DYNC2H1: variants seen among roughly 807,000 people sequenced by gnomAD.
DYNC2H1 encodes the protein dynein cytoplasmic 2 heavy chain 1.
A neutral mutation model predicts 570.0 loss-of-function variants in DYNC2H1; 410 were observed. That is an observed-to-expected ratio of 0.72 (90% CI 0.66 to 0.78). The LOEUF is 0.78. DYNC2H1 is among the 30% of genes least tolerant of loss of function. The pLI is 0.00. For synonymous variants in DYNC2H1, 1,688 were observed against 1,677.6 expected, an observed-to-expected ratio of 1.01 and a Z score of -0.15; for missense variants, 4,865 against 5,046.4, an observed-to-expected ratio of 0.96 and a Z score of 1.09.
chr11:103,430,469 A>G (rs1000967723), intron 84 of DYNC2H1, among the ~76,000 whole-genome samples: 2 of 151,972 alleles, frequency 1.3e-5, no homozygotes, highest in African/African-American at 2.4e-5. Flanking sequence ...CGTTTAGAAT[A>G]TTACCGTACA....
chr11:103,218,640 T>C (rs1189146170), intron 55 of DYNC2H1, among the ~76,000 whole-genome samples: 1 of 152,170 alleles, frequency 6.6e-6, no homozygotes, highest in Non-Finnish European at 1.5e-5. Context: ...TACCATGTGT[T>C]TATAAAGGAA....
intron 85 of DYNC2H1, among the ~76,000 whole-genome samples, chr11:103,438,781 T>C (rs1944152485): frequency 6.6e-6 from 1 of 152,130 alleles, no homozygotes; most frequent in Admixed American, 6.6e-5. Context: ...ATATCAGGAT[T>C]AGTAAGTAGA....
rs1717685942 is a variant in DYNC2H1, at chr11:103,189,957, A to T, written c.7437+141A>T. ...TTTCTAGTAGAGAGTAACTGTGAAG[A>T]CAGGTGCTGTGTGTGCCTTATTCAC... On this transcript the variant is annotated intron_variant, in intron 45 of 88. Coordinates refer to ENST00000375735, the MANE Select transcript of DYNC2H1 (RefSeq NM_001377.3). The surrounding 1 kb of genome is among the most constrained non-coding windows in gnomAD (Gnocchi z 4.3). 5 of 836,244 alleles carry T rather than the reference A, an allele frequency of 6.0e-6. No homozygotes were observed. In the Admixed American group the frequency reaches 1.1e-4, roughly 18 times the overall value. The allele number at this position is 836,244 out of a possible 1,614,324, so 51.8% of individuals were successfully genotyped here.
rs546405988 is a variant in DYNC2H1 at position 103,243,588 on chromosome 11, A to C, written c.9820-105A>C. ...ATTTGTGTTCTCCAAAGCTTGAGAGAAAAGATCATTTAGTAATTGATTTAT... is the reference window on the plus strand; with the variant it reads ...ATTTGTGTTCTCCAAAGCTTGAGAGCAAAGATCATTTAGTAATTGATTTAT... On this transcript the variant is annotated intron_variant, in intron 63 of 88. Coordinates refer to ENST00000375735, the MANE Select transcript of DYNC2H1 (RefSeq NM_001377.3). The surrounding 1 kb of genome is among the most constrained non-coding windows in gnomAD (Gnocchi z 4.8). 4.4e-6 allele frequency: 4 copies of C among 919,534 alleles called. No individual in the cohort carries two copies. In the East Asian group the frequency reaches 8.3e-5, roughly 19 times the overall value. The allele number at this position is 919,534 out of a possible 1,614,324, so 57.0% of individuals were successfully genotyped here.
Position 103,310,010 on chromosome 11 carries a change from C to G in DYNC2H1, c.11494-1868C>G, listed in dbSNP as rs74825846. ...TTTTAACTATCTTAGCTTAGACTATCTGTGTAGTTCATTGAGATGTTCAAA... is the reference window on the plus strand; with the variant it reads ...TTTTAACTATCTTAGCTTAGACTATGTGTGTAGTTCATTGAGATGTTCAAA... On this transcript the variant is annotated intron_variant, in intron 78 of 88. Coordinates refer to ENST00000375735, the MANE Select transcript of DYNC2H1 (RefSeq NM_001377.3). Among the ~76,000 whole-genome samples the G allele has an allele frequency of 4.3e-3, 657 of 152,102 alleles. 4 individuals are homozygous for G. Among genetic ancestry groups the G allele is most frequent in the African/African-American group, 0.015 (611 of 41,498 alleles).
chr11:103,450,169 A>T (rs1159014446), intron 85 of DYNC2H1, among the ~76,000 whole-genome samples: 1 of 152,168 alleles, frequency 6.6e-6, no homozygotes, highest in African/African-American at 2.4e-5. Context: ...ACAAAACCAA[A>T]CTTTTACACA....
intron 17 of DYNC2H1, among the ~76,000 whole-genome samples, chr11:103,137,562 C>T (rs61898611): frequency 0.088 from 13,324 of 152,078 alleles, 748 homozygotes; most frequent in Non-Finnish European, 0.12. Flanking sequence ...TTTCTGAGGG[C>T]TCTGTTCTGT....
intron 83 of DYNC2H1, among the ~76,000 whole-genome samples, chr11:103,380,556 TGAG>T (rs201919026): frequency 0.053 from 8,038 of 152,088 alleles, 259 homozygotes; most frequent in Non-Finnish European, 0.076. Flanking sequence ...GGTTACGTGA[TGAG>T]GAATTTTTTT....
intron 35 of DYNC2H1, 100 bp downstream of exon 35, chr11:103,173,405 A>T (rs1861657071): frequency 3.7e-6 from 3 of 813,392 alleles, no homozygotes; most frequent in Non-Finnish European, 5.3e-6. Flanking sequence ...CACCTATTGC[A>T]TGATTTTTAT....
In DYNC2H1 at chr11:103,280,705, T is replaced by C. The variant is rs1866096501; in HGVS notation, c.10761+292T>C. 6.6e-6 allele frequency among the ~76,000 whole-genome samples: 1 copy of C among 152,062 alleles called. No individual in the cohort carries two copies. Among genetic ancestry groups the C allele is most frequent in the African/African-American group, 2.4e-5 (1 of 41,424 alleles). On this transcript the variant is annotated intron_variant, in intron 71 of 88. Coordinates refer to ENST00000375735, the MANE Select transcript of DYNC2H1 (RefSeq NM_001377.3). This position sits in a 1 kb window ranked among gnomAD's most constrained non-coding sequence, Gnocchi z 4.7. ...AACAGAAGAGTCAGCCTTCTTCTTT[T>C]CCCGGCCTAGGTAGTAGAGCTCATA...
Position 103,143,183 on chromosome 11 carries a change from G to A in DYNC2H1, c.2575-85G>A, listed in dbSNP as rs982356921. ...ACCTCATATTTTCCTCTTTTTATTG[G>A]TTTTAATAGTTGAATCCTATTCTAT... On this transcript the variant is annotated intron_variant, in intron 17 of 88. Coordinates refer to ENST00000375735, the MANE Select transcript of DYNC2H1 (RefSeq NM_001377.3). 14 of 1,410,960 alleles carry A rather than the reference G, an allele frequency of 9.9e-6. No homozygotes were observed. The South Asian group carries it at 1.8e-4, about 18-fold the overall frequency. The allele number at this position is 1,410,960 out of a possible 1,614,324, so 87.4% of individuals were successfully genotyped here. A position where few individuals can be genotyped will look rare whatever the true frequency, so the allele number is the denominator to read the frequency against.
Position 103,120,565 on chromosome 11 carries a change from A to G in DYNC2H1, c.1118A>G (p.Tyr373Cys), listed in dbSNP as rs1299049618. Reference sequence around the variant, plus strand: ...TTTACTGGCCTGAATCCTGTGCAATATAATCCATATACTGAGGTTGTATAT... The same window carrying G: ...TTTACTGGCCTGAATCCTGTGCAATGTAATCCATATACTGAGGTTGTATAT... ...EPFTGLNPVQYNPYTEPLWKA... is the reference protein window; with the variant it reads ...EPFTGLNPVQCNPYTEPLWKA... The change falls in exon 7 of 89, where the codon TAT becomes TGT. Residue 373 changes from tyrosine (Y) to cysteine (C), a missense_variant. By Grantham distance (194) the Tyr-to-Cys change is radical (BLOSUM62 -2). Around this residue, in one of 5 missense-constraint regions of DYNC2H1, gnomAD observed 1,936 missense variants for 1,962.1 expected, o/e 0.99. Transcript: ENST00000375735. 7 of 1,612,622 alleles carry G rather than the reference A, an allele frequency of 4.3e-6. No individual in the cohort carries two copies. The highest frequency in any genetic ancestry group is 1.1e-5 in the South Asian group (1 of 90,848).
chr11:103,335,149 C>T (rs1939047994), intron 82 of DYNC2H1, among the ~76,000 whole-genome samples: 1 of 151,836 alleles, frequency 6.6e-6, no homozygotes, highest in Non-Finnish European at 1.5e-5. Context: ...TCCAATAATG[C>T]ATTTTAAAAG....
intron 82 of DYNC2H1, among the ~76,000 whole-genome samples, chr11:103,341,643 G>T (rs1939446387): frequency 6.6e-6 from 1 of 152,138 alleles, no homozygotes; most frequent in South Asian, 2.1e-4. Context: ...AAACTGTAAA[G>T]AATTGCTAAT....
At chr11:103,246,183 T>C (rs1436728620) in intron 65 of DYNC2H1, among the ~76,000 whole-genome samples, 2 of 152,074 alleles carry the variant, frequency 1.3e-5, no homozygotes, top group South Asian at 2.1e-4. Context: ...TCTAAGCTAC[T>C]GTATAACAAC....
intron 82 of DYNC2H1, among the ~76,000 whole-genome samples, chr11:103,339,630 G>A (rs1939339442): frequency 6.9e-6 from 1 of 144,402 alleles, no homozygotes; most frequent in African/African-American, 2.5e-5. Flanking sequence ...GTTGCCTGGA[G>A]TTGGGGGAGA....
At chr11:103,476,658 T>C (rs1945558097) in intron 88 of DYNC2H1, among the ~76,000 whole-genome samples, 1 of 152,110 alleles carries the variant, frequency 6.6e-6, no homozygotes, top group Non-Finnish European at 1.5e-5. Context: ...TTTAAGAATG[T>C]TAGGAATGAA....
intron 83 of DYNC2H1, among the ~76,000 whole-genome samples, chr11:103,396,820 C>T (rs1942417238): frequency 6.6e-6 from 1 of 152,282 alleles, no homozygotes; most frequent in African/African-American, 2.4e-5. Flanking sequence ...ATTATGTCTT[C>T]TGTAGCAATA....
intron 84 of DYNC2H1, among the ~76,000 whole-genome samples, chr11:103,421,209 T>C (rs1431509751): frequency 1.3e-5 from 2 of 151,930 alleles, no homozygotes; most frequent in Non-Finnish European, 2.9e-5. Flanking sequence ...CCCAGATTCA[T>C]AAAGCAAGTT....
Sources: gnomAD v4.1 joint callset for allele counts (sites outside exome capture counted in the v4.1 genomes callset) on GRCh38, gnomAD v4.1.1 for gene constraint, gnomAD v4.1.1 regional missense constraint, Gnocchi (gnomAD v3.1) non-coding constraint, MANE v1.5 for transcripts, NCBI Gene and HGNC (gene_info 2026-07-23, HGNC 2026-07-21) for gene names.